Variants in TMEFF2 observed in about 807,000 individuals in gnomAD.
TMEFF2 encodes the protein transmembrane protein with EGF like and two follistatin like domains 2.
Under a neutral mutation model 53.8 loss-of-function variants are expected in TMEFF2, and 28 were observed. The observed-to-expected ratio is 0.52, with a 90% CI of 0.39 to 0.71. The LOEUF (loss-of-function observed/expected upper bound fraction) is 0.71, where lower values mean the gene tolerates loss of function less well. Ranked by LOEUF, TMEFF2 falls within the 30% of genes least tolerant of loss-of-function variation. The pLI is 0.00. For missense variants in TMEFF2, 353 were observed against 455.2 expected, an observed-to-expected ratio of 0.78 and a Z score of 2.04; for synonymous variants, 162 against 166.3, an observed-to-expected ratio of 0.97 and a Z score of 0.20.
intron 5 of TMEFF2, chr2:192,037,199 T>G (rs1041354404): frequency 6.6e-6 from 1 of 151,182 alleles, no homozygotes; most frequent in South Asian, 2.1e-4. Context: ...AATGCCACTT[T>G]TACTATATAG....
At chr2:192,031,069 TCTC>T (rs899669204) in intron 5 of TMEFF2, among the ~76,000 whole-genome samples, 11 of 152,116 alleles carry the variant, frequency 7.2e-5, no homozygotes, top group Non-Finnish European at 1.3e-4. Context: ...TGTTTCCTCA[TCTC>T]CTTCACATTT....
chr2:192,094,945 C>T (rs1688869452), intron 4 of TMEFF2, among the ~76,000 whole-genome samples: 1 of 152,168 alleles, frequency 6.6e-6, no homozygotes, highest in South Asian at 2.1e-4. Context: ...TTAGTGTATA[C>T]ATTGGAGAGG....
At chr2:192,172,833 T>G (rs1690948714) in intron 4 of TMEFF2, among the ~76,000 whole-genome samples, 1 of 151,898 alleles carries the variant, frequency 6.6e-6, no homozygotes, top group South Asian at 2.1e-4. Flanking sequence ...AGATGATGTC[T>G]GGTATAGTTG....
At chr2:192,122,905 A>G (rs1350432498) in intron 4 of TMEFF2, among the ~76,000 whole-genome samples, 1 of 152,188 alleles carries the variant, frequency 6.6e-6, no homozygotes, top group Non-Finnish European at 1.5e-5. Context: ...GATTTGAACC[A>G]GAAATGCAAT....
chr2:191,969,713 C>T (rs970291531), intron 7 of TMEFF2, among the ~76,000 whole-genome samples: 2 of 151,350 alleles, frequency 1.3e-5, no homozygotes, highest in African/African-American at 4.9e-5. Flanking sequence ...GGAGTACTGC[C>T]ATTTGACAGT....
intron 7 of TMEFF2, among the ~76,000 whole-genome samples, chr2:191,985,686 G>A (rs1685959154): frequency 6.6e-6 from 1 of 152,176 alleles, no homozygotes; most frequent in Non-Finnish European, 1.5e-5. Flanking sequence ...ACATTGCTGT[G>A]AAAGTTATTC....
intron 4 of TMEFF2, among the ~76,000 whole-genome samples, chr2:192,086,645 A>G (rs539691173): frequency 6.6e-6 from 1 of 152,282 alleles, no homozygotes; most frequent in African/African-American, 2.4e-5. Context: ...TTTATGATCC[A>G]TCTACCTTGT....
chr2:192,088,954 T>C (rs1688728478), intron 4 of TMEFF2, among the ~76,000 whole-genome samples: 1 of 152,144 alleles, frequency 6.6e-6, no homozygotes, highest in African/African-American at 2.4e-5. Flanking sequence ...GGGTATGTGG[T>C]CCCATAAATA....
At chr2:192,112,839 T>A (rs1689316429) in intron 4 of TMEFF2, among the ~76,000 whole-genome samples, 1 of 152,290 alleles carries the variant, frequency 6.6e-6, no homozygotes, top group South Asian at 2.1e-4. Flanking sequence ...GACCTGATGG[T>A]TTTATAAGTG....
chr2:192,042,800 A>T (rs1687516999), intron 5 of TMEFF2, among the ~76,000 whole-genome samples: 2 of 152,144 alleles, frequency 1.3e-5, no homozygotes, highest in African/African-American at 2.4e-5. Flanking sequence ...ACAGAGAAAG[A>T]GGTTCAAAGG....
At chr2:192,010,245 C>T (rs1035861159) in intron 5 of TMEFF2, among the ~76,000 whole-genome samples, 8 of 152,176 alleles carry the variant, frequency 5.3e-5, no homozygotes, top group Non-Finnish European at 1.2e-4. Context: ...CCGTTCCTCA[C>T]TGACTTCCTG....
rs76193017 is a variant in TMEFF2, at chr2:192,041,621, C to T, written c.536+16058G>A. Among the ~76,000 whole-genome samples the T allele has an allele frequency of 5.8e-3, 884 of 152,150 alleles. 15 individuals carry two copies. The highest frequency in any genetic ancestry group is 0.02 in the African/African-American group (825 of 41,502). ...GCAATTCCACTCCTATGTATATACC[C>T]GAGACCTGAAAACATACATTCCCAC... On this transcript the variant is annotated intron_variant, in intron 5 of 9. Transcript: ENST00000272771.
chr2:192,132,572 A>T (rs916197505), intron 4 of TMEFF2, among the ~76,000 whole-genome samples: 3 of 152,060 alleles, frequency 2.0e-5, no homozygotes, highest in African/African-American at 7.2e-5. Flanking sequence ...GAAAAAAAAA[A>T]GTTGCAATTC....
intron 4 of TMEFF2, among the ~76,000 whole-genome samples, chr2:192,066,182 G>A (rs1241524354): frequency 6.6e-6 from 1 of 151,512 alleles, no homozygotes; most frequent in East Asian, 1.9e-4. Flanking sequence ...TTATTAAAAT[G>A]GGAAAACAAG....
In TMEFF2 at chr2:192,194,336, G is replaced by C. The variant is rs1036295082; in HGVS notation, c.172+17C>G. On this transcript the variant is annotated intron_variant, in intron 1 of 9. Transcript: ENST00000272771. This position sits in a 1 kb window ranked among gnomAD's most constrained non-coding sequence, Gnocchi z 4.2. ...TCTGCGGAGTTAAAGGGTCGGGGACGGGGGTTCTGGACTTACCAGAGCAAT... is the reference window on the plus strand; with the variant it reads ...TCTGCGGAGTTAAAGGGTCGGGGACCGGGGTTCTGGACTTACCAGAGCAAT... The C allele has an allele frequency of 1.2e-6, 2 of 1,612,782 alleles. No individual in the cohort carries two copies. Among genetic ancestry groups the C allele is most frequent in the Admixed American group, 1.7e-5 (1 of 59,954 alleles).
rs1265324644 is a variant in TMEFF2, at chr2:191,949,298, C to G, written c.*1013G>C. 5.1e-6 allele frequency: 5 copies of G among 985,198 alleles called. No individual in the cohort carries two copies. In the African/African-American group the frequency reaches 7.0e-5, roughly 14 times the overall value. 61.0% of individuals were successfully genotyped at this position (985,198 alleles called of 1,614,324 possible). On this transcript the variant is annotated 3_prime_UTR_variant, in exon 10 of 10. Coordinates refer to ENST00000272771, the MANE Select transcript of TMEFF2 (RefSeq NM_016192.4). ...TCTTACCTCACCACATAAATATGCTCAAAACATCTCTCTGTTTTCATGAAA... is the reference window on the plus strand; with the variant it reads ...TCTTACCTCACCACATAAATATGCTGAAAACATCTCTCTGTTTTCATGAAA...
At chr2:191,976,375 G>A (rs1685728481) in intron 7 of TMEFF2, among the ~76,000 whole-genome samples, 1 of 152,188 alleles carries the variant, frequency 6.6e-6, no homozygotes, top group Non-Finnish European at 1.5e-5. Context: ...TTAGTCATTA[G>A]AATCACATCT....
intron 7 of TMEFF2, among the ~76,000 whole-genome samples, chr2:191,983,856 A>G (rs1434639162): frequency 2.0e-5 from 3 of 152,232 alleles, no homozygotes; most frequent in African/African-American, 7.2e-5. Flanking sequence ...TCTGATTCAA[A>G]TCAATTCAAT....
intron 4 of TMEFF2, among the ~76,000 whole-genome samples, chr2:192,098,441 C>T (rs911307885): frequency 1.3e-5 from 2 of 152,250 alleles, no homozygotes; most frequent in Non-Finnish European, 1.5e-5. Context: ...GCTGCTCAAA[C>T]GAGAGTAGGA....
Sources: allele counts gnomAD v4.1 joint callset (sites outside exome capture counted in the v4.1 genomes callset), GRCh38; gene constraint gnomAD v4.1.1; non-coding constraint Gnocchi (gnomAD v3.1); transcripts MANE v1.5; gene names NCBI Gene and HGNC (gene_info 2026-07-23, HGNC 2026-07-21).